Variants in SDK1 observed in about 807,000 individuals in gnomAD.
SDK1 encodes protein sidekick-1.
SDK1 carries 157 observed loss-of-function variants against 245.5 expected under a neutral mutation model. The ratio of observed to expected loss-of-function variants is 0.64; its 90% CI spans 0.56 to 0.73. SDK1 has a LOEUF of 0.73. SDK1 is among the 30% of genes least tolerant of loss of function. The pLI, the probability that SDK1 is intolerant of heterozygous loss-of-function variation, is 0.00. For synonymous variants in SDK1, 1,647 were observed against 1,278.5 expected (o/e 1.29, Z -6.15); for missense variants, 3,583 against 3,002.3 (o/e 1.19, Z -4.52).
intron 39 of SDK1, 93 bp from the exon 40 acceptor site, chr7:4,221,146 A>G (rs1244343785): frequency 3.4e-6 from 5 of 1,481,178 alleles, no homozygotes; most frequent in Non-Finnish European, 3.7e-6. Flanking sequence ...TGCAGCCTCG[A>G]CCGGTCTGAC....
At chr7:4,008,576 A>C (rs1461590302) in intron 14 of SDK1, among the ~76,000 whole-genome samples, 3 of 152,222 alleles carry the variant, frequency 2.0e-5, no homozygotes, top group Admixed American at 6.5e-5. Flanking sequence ...ACGTAAAAGA[A>C]AGCGAAGAGG....
At chr7:3,550,269 CATA>C (rs1355664394) in intron 1 of SDK1, among the ~76,000 whole-genome samples, 5 of 152,172 alleles carry the variant, frequency 3.3e-5, no homozygotes, top group African/African-American at 1.2e-4. Flanking sequence ...TAAATAATCC[CATA>C]ATATTTCAGT....
chr7:3,928,702 A>G (rs1446459592), intron 5 of SDK1, among the ~76,000 whole-genome samples: 1 of 152,196 alleles, frequency 6.6e-6, no homozygotes, highest in African/African-American at 2.4e-5. Context: ...GCAATAACCA[A>G]CATCCCCTAA....
At chr7:3,948,493 A>G (rs1420589364) in intron 5 of SDK1, among the ~76,000 whole-genome samples, 1 of 151,942 alleles carries the variant, frequency 6.6e-6, no homozygotes, top group Non-Finnish European at 1.5e-5. Context: ...CGATCTCCTG[A>G]CCTCGTGATC....
intron 28 of SDK1, among the ~76,000 whole-genome samples, chr7:4,135,538 C>G (rs900360581): frequency 6.6e-6 from 1 of 152,228 alleles, no homozygotes; most frequent in Non-Finnish European, 1.5e-5. Context: ...GCCTGCTTTT[C>G]CTTTCCCCTG....
intron 38 of SDK1, among the ~76,000 whole-genome samples, chr7:4,212,939 A>G (rs1784581573): frequency 6.6e-6 from 1 of 152,026 alleles, no homozygotes; most frequent in Non-Finnish European, 1.5e-5. Flanking sequence ...TGGAAACTCC[A>G]TGGTGTGTGC....
In SDK1 at chr7:4,142,150, G is replaced by C. The variant is rs1028140000; in HGVS notation, c.4229-3572G>C. Among the ~76,000 whole-genome samples, 10 of 152,186 alleles carry C rather than the reference G, an allele frequency of 6.6e-5. 1 individual carries two copies. The highest frequency in any genetic ancestry group is 5.9e-4 in the Admixed American group (9 of 15,274). On this transcript the variant is annotated intron_variant, in intron 28 of 44. Coordinates refer to ENST00000404826, the MANE Select transcript of SDK1 (RefSeq NM_152744.4). ...ATCCCACCTCGACAGTGTGGAGGGA[G>C]CAGGCTGAACCCTACGCATACATAC...
At chr7:4,243,895 T>C (rs1317705648) in intron 43 of SDK1, among the ~76,000 whole-genome samples, 1 of 152,230 alleles carries the variant, frequency 6.6e-6, no homozygotes, top group African/African-American at 2.4e-5. Context: ...ACGGGCACAG[T>C]TGATTTATGT....
chr7:4,016,802 C>T (rs1426591417), intron 16 of SDK1, among the ~76,000 whole-genome samples: 2 of 152,204 alleles, frequency 1.3e-5, no homozygotes, highest in African/African-American at 2.4e-5. Context: ...ACGTTTCAGA[C>T]TCACAAGAGG....
At chr7:3,810,639 T>G (rs1010645834) in intron 4 of SDK1, among the ~76,000 whole-genome samples, 4 of 152,200 alleles carry the variant, frequency 2.6e-5, no homozygotes, top group Admixed American at 2.0e-4. Context: ...ATGAAATAAA[T>G]CCTTCACTAG....
chr7:4,176,646 G>A (rs1012270312), intron 34 of SDK1, among the ~76,000 whole-genome samples: 2 of 152,034 alleles, frequency 1.3e-5, no homozygotes, highest in African/African-American at 4.8e-5. Flanking sequence ...ATACTAATTC[G>A]TTATACCCCT....
At position 3,962,809 on chromosome 7, in the gene SDK1, G is replaced by A. The variant is rs1781803465; in HGVS notation, c.1387G>A (p.Glu463Lys). 6.2e-7 allele frequency: 1 copy of A among 1,613,572 alleles called. No individual in the cohort carries two copies. Among genetic ancestry groups the A allele is most frequent in the East Asian group, 2.2e-5 (1 of 44,864 alleles). Residue 463 changes from glutamate to lysine, a missense_variant, in exon 9 of 45, where the codon GAA (glutamate) becomes AAA (lysine). Coordinates refer to ENST00000404826, the MANE Select transcript of SDK1 (RefSeq NM_152744.4). ...SGIFQCFASN[E>K]GGEIQTHTYL... The stretch of plus-strand genomic sequence containing the variant: ...AATCTTCCAGTGCTTCGCCAGCAAT[G>A]AAGGAGGGGAGATCCAGACCCACAC...
At chr7:3,675,331 A>T (rs2114975889) in intron 4 of SDK1, among the ~76,000 whole-genome samples, 1 of 152,344 alleles carries the variant, frequency 6.6e-6, no homozygotes, top group Non-Finnish European at 1.5e-5. Context: ...GGTCGTCTAC[A>T]GCTGGAATTA....
At chr7:3,943,517 G>C (rs968532748) in intron 5 of SDK1, among the ~76,000 whole-genome samples, 4 of 149,808 alleles carry the variant, frequency 2.7e-5, no homozygotes, top group African/African-American at 9.9e-5. Context: ...CTTCAGAGCG[G>C]AGTCCATTTC....
chr7:3,892,091 C>T (rs946297020), intron 5 of SDK1, among the ~76,000 whole-genome samples: 10 of 152,112 alleles, frequency 6.6e-5, no homozygotes, highest in African/African-American at 2.4e-4. Context: ...CTTGGGTTGC[C>T]ATTTTTCCAA....
At chr7:4,074,886 G>GTGTA (rs1401453083) in intron 20 of SDK1, among the ~76,000 whole-genome samples, 46 of 48,100 alleles carry the variant, frequency 9.6e-4, no homozygotes, top group Non-Finnish European at 1.2e-3. Context: ...CTCTCTCTCT[G>GTGTA]TATATATATA....
At chr7:4,183,137 G>T (rs536491602) in intron 35 of SDK1, among the ~76,000 whole-genome samples, 1 of 152,256 alleles carries the variant, frequency 6.6e-6, no homozygotes, top group African/African-American at 2.4e-5. Context: ...ACCTCTGAGC[G>T]GGGCCACAGG....
chr7:3,888,910 A>T (rs1781395608), intron 5 of SDK1, among the ~76,000 whole-genome samples: 2 of 152,258 alleles, frequency 1.3e-5, no homozygotes, highest in South Asian at 4.1e-4. Context: ...GTGTCTAAAA[A>T]TTGCAAGAGT....
intron 1 of SDK1, among the ~76,000 whole-genome samples, chr7:3,534,208 T>A (rs528308535): frequency 6.6e-6 from 1 of 152,306 alleles, no homozygotes; most frequent in Non-Finnish European, 1.5e-5. Context: ...AACCATCTTG[T>A]CACATATTGC....
Sources: gnomAD v4.1 joint callset for allele counts (sites outside exome capture counted in the v4.1 genomes callset) on GRCh38, gnomAD v4.1.1 for gene constraint, MANE v1.5 for transcripts, NCBI Gene and HGNC (gene_info 2026-07-23, HGNC 2026-07-21) for gene names.